CDH23: variants seen among roughly 807,000 people sequenced by gnomAD.
CDH23 encodes cadherin related 23.
Under a neutral mutation model 317.1 loss-of-function variants are expected in CDH23, and 189 were observed. That is an observed-to-expected ratio of 0.60 (90% confidence interval 0.53 to 0.67). The LOEUF (loss-of-function observed/expected upper bound fraction) is 0.67. CDH23 is among the 30% of genes least tolerant of loss of function. CDH23 has a pLI of 0.00. For missense variants in CDH23, 4,401 were observed against 4,592.4 expected (o/e 0.96, Z 1.20); for synonymous variants, 1,839 against 1,876.8 (o/e 0.98, Z 0.52).
chr10:71,731,922 A>T, intron 31 of CDH23, 65 bp from the exon 32 acceptor site: 1 of 1,530,208 alleles, frequency 6.5e-7, no homozygotes, highest in Admixed American at 1.9e-5. Flanking sequence ...TGGCAGCTTG[A>T]GAAGCCACAG....
In CDH23 at chr10:71,732,386, G is replaced by A. The variant is rs2132826428; in HGVS notation, c.4104+11G>A. On this transcript the variant is annotated intron_variant, in intron 32 of 69. Coordinates refer to ENST00000224721, the MANE Select transcript of CDH23 (RefSeq NM_022124.6). ...ATAGACGCCATCACGGTGAGGGGCT[G>A]GGGGCAGGGAGCACCATTTCTTCCA... The A allele has an allele frequency of 6.4e-7, 1 of 1,554,922 alleles. No individual in the cohort carries two copies.
chr10:71,500,193 T>A (rs1853210808), intron 3 of CDH23, among the ~76,000 whole-genome samples: 1 of 152,196 alleles, frequency 6.6e-6, no homozygotes, highest in Non-Finnish European at 1.5e-5. Flanking sequence ...GATCCGATCA[T>A]TACACATTGT....
At chr10:71,676,410 T>G (rs1320870909) in intron 15 of CDH23, among the ~76,000 whole-genome samples, 5 of 151,256 alleles carry the variant, frequency 3.3e-5, no homozygotes, top group African/African-American at 1.2e-4. Flanking sequence ...GTGGATCACC[T>G]GAGGTCAGGA....
chr10:71,599,068 G>C (rs1030753322), intron 9 of CDH23, among the ~76,000 whole-genome samples: 4 of 151,316 alleles, frequency 2.6e-5, no homozygotes, highest in African/African-American at 9.7e-5. Context: ...TGTCAGAGAA[G>C]CAGGGCCAAG....
chr10:71,498,333 G>A (rs1853087444), intron 3 of CDH23, among the ~76,000 whole-genome samples: 1 of 152,152 alleles, frequency 6.6e-6, no homozygotes, highest in Non-Finnish European at 1.5e-5. Context: ...CCTGTCCTTG[G>A]ACTCCCTGGA....
intron 2 of CDH23, among the ~76,000 whole-genome samples, chr10:71,442,842 C>T (rs1266128588): frequency 7.2e-5 from 11 of 152,176 alleles, no homozygotes; most frequent in Admixed American, 5.9e-4. Context: ...ATGTGGGCCA[C>T]GCTGCAGTCA....
intron 17 of CDH23, among the ~76,000 whole-genome samples, chr10:71,681,841 G>A (rs180712350): frequency 6.6e-6 from 1 of 152,222 alleles, no homozygotes; most frequent in African/African-American, 2.4e-5. Flanking sequence ...AATAGGGCTA[G>A]AGACCGAGGA....
At chr10:71,442,610 T>G (rs1482512525) in intron 2 of CDH23, among the ~76,000 whole-genome samples, 1 of 152,122 alleles carries the variant, frequency 6.6e-6, no homozygotes, top group Admixed American at 6.5e-5. Context: ...CTGGCCTCAA[T>G]GTACTCTAGC....
chr10:71,810,711 G>A, intron 62 of CDH23, 142 bp downstream of exon 62: 2 of 746,390 alleles, frequency 2.7e-6, no homozygotes, highest in Non-Finnish European at 4.5e-6. Flanking sequence ...GACTGGGGCA[G>A]GGCTAGGAGA....
intron 11 of CDH23, among the ~76,000 whole-genome samples, chr10:71,619,528 C>A (rs1861363696): frequency 6.6e-6 from 1 of 152,108 alleles, no homozygotes; most frequent in African/African-American, 2.4e-5. Flanking sequence ...TTCAGGAGAA[C>A]CATAATGCCC....
rs543883971 is a variant in CDH23, at chr10:71,448,959, C to G, written c.145+2564C>G. ...TTCCTGCCATGGGGAGTGGGGTGGT[C>G]TAGAGACTTGACTTTGAGACTTGGC... On this transcript the variant is annotated intron_variant, in intron 3 of 69. Transcript: ENST00000224721. Among the ~76,000 whole-genome samples, 6 of 152,266 alleles carry G rather than the reference C, an allele frequency of 3.9e-5. No homozygotes were observed. In the East Asian group the frequency reaches 1.2e-3, roughly 29 times the overall value.
intron 28 of CDH23, chr10:71,716,275 T>A (rs1866231416): frequency 1.3e-6 from 2 of 1,533,962 alleles, no homozygotes; most frequent in Admixed American, 2.0e-5. Flanking sequence ...TGACGGGAGC[T>A]GAGAGAAAGG....
rs750472579 is a variant in CDH23, at chr10:71,806,210, G to C, written c.8107G>C (p.Glu2703Gln). 11 of 1,579,310 alleles carry C rather than the reference G, an allele frequency of 7.0e-6. No homozygotes were observed. The African/African-American group carries it at 1.5e-4, about 21-fold the overall frequency. ...CGACCTGGGCCAGCCAGTGCCATAC[G>C]AGACTATGCAGCCGCTGCAGGTGGC... ...ASDLGQPVPY[E>Q]TMQPLQVALE... Residue 2703 changes from glutamate to glutamine, a missense_variant, in exon 57 of 70, where the codon GAG becomes CAG. Coordinates refer to ENST00000224721, the MANE Select transcript of CDH23 (RefSeq NM_022124.6).
At chr10:71,812,208 A>C in intron 66 of CDH23, 193 bp downstream of exon 66, 2 of 1,588,078 alleles carry the variant, frequency 1.3e-6, no homozygotes, top group Non-Finnish European at 1.7e-6. Context: ...TCTCCACCCC[A>C]GTGGGCCTCA....
chr10:71,766,369 C>CGCCACCT (rs905183419), intron 38 of CDH23, among the ~76,000 whole-genome samples: 2 of 152,150 alleles, frequency 1.3e-5, no homozygotes, highest in African/African-American at 4.8e-5. Flanking sequence ...GCCCGCCACC[C>CGCCACCT]GCCACCTGCC....
At chr10:71,680,585 T>C (rs1290966444) in intron 17 of CDH23, among the ~76,000 whole-genome samples, 4 of 151,720 alleles carry the variant, frequency 2.6e-5, no homozygotes, top group Non-Finnish European at 4.4e-5. Flanking sequence ...CTGTCTCTAC[T>C]AAAAATACAA....
At chr10:71,694,076 T>C in intron 20 of CDH23, 71 bp from the exon 21 acceptor site, 1 of 1,183,394 alleles carries the variant, frequency 8.5e-7, no homozygotes, top group East Asian at 2.4e-5. Flanking sequence ...TCCCTCGCTC[T>C]CTCTCTTCTT....
intron 29 of CDH23, among the ~76,000 whole-genome samples, chr10:71,724,435 C>A (rs527466314): frequency 1.3e-5 from 2 of 152,350 alleles, no homozygotes; most frequent in South Asian, 4.1e-4. Context: ...GTAGCTCAGT[C>A]CCCAGTAGCT....
At chr10:71,464,636 T>C (rs1851161268) in intron 3 of CDH23, among the ~76,000 whole-genome samples, 1 of 131,512 alleles carries the variant, frequency 7.6e-6, no homozygotes, top group African/African-American at 2.8e-5. Context: ...TTCCCAATGA[T>C]GCCAATGTCA....
Sources: gnomAD v4.1 joint callset for allele counts (sites outside exome capture counted in the v4.1 genomes callset) on GRCh38, gnomAD v4.1.1 for gene constraint, MANE v1.5 for transcripts, NCBI Gene and HGNC (gene_info 2026-07-23, HGNC 2026-07-21) for gene names.